The following GPC6 variants were observed in gnomAD, a reference collection of about 807,000 sequenced individuals.
GPC6 encodes glypican-6.
A neutral mutation model predicts 55.2 loss-of-function variants in GPC6; 14 were observed. The observed-to-expected ratio is 0.25, with a 90% CI of 0.17 to 0.40. GPC6 has a LOEUF of 0.40. Ranked by LOEUF, GPC6 falls within the 10% of genes least tolerant of loss-of-function variation. The probability of loss-of-function intolerance (pLI) is 1.00; values close to 1 mark genes in which losing one functional copy is unlikely to be tolerated. For synonymous variants in GPC6, 278 were observed against 259.6 expected (o/e 1.07, Z -0.68); for missense variants, 641 against 708.5 (o/e 0.90, Z 1.08).
At chr13:93,330,753 C>T (rs954879718) in intron 1 of GPC6, among the ~76,000 whole-genome samples, 1 of 152,158 alleles carries the variant, frequency 6.6e-6, no homozygotes, top group Admixed American at 6.6e-5. Flanking sequence ...ATGAAAAATT[C>T]TCTTGCATCT....
chr13:93,275,564 C>T (rs1877704921), intron 1 of GPC6, among the ~76,000 whole-genome samples: 1 of 152,130 alleles, frequency 6.6e-6, no homozygotes, highest in South Asian at 2.1e-4. Context: ...CTTGTAGTTT[C>T]AGAGATCAAG....
intron 1 of GPC6, among the ~76,000 whole-genome samples, chr13:93,423,054 ACC>A (rs1876984556): frequency 7.8e-6 from 1 of 128,664 alleles, no homozygotes; most frequent in African/African-American, 3.5e-5. Flanking sequence ...GTCACACCCC[ACC>A]AGCTCCCCGT....
intron 6 of GPC6, among the ~76,000 whole-genome samples, chr13:94,320,264 T>C (rs1465135795): frequency 6.6e-6 from 1 of 152,200 alleles, no homozygotes; most frequent in Non-Finnish European, 1.5e-5. Flanking sequence ...TTCAATAGTA[T>C]CCGCCTCCTC....
chr13:93,652,673 A>C (rs1225285392), intron 2 of GPC6, among the ~76,000 whole-genome samples: 1 of 152,132 alleles, frequency 6.6e-6, no homozygotes, highest in Non-Finnish European at 1.5e-5. Context: ...GTGATTTGTC[A>C]TTCCCTCCAC....
intron 2 of GPC6, among the ~76,000 whole-genome samples, chr13:93,777,828 T>A (rs1340468325): frequency 1.3e-5 from 2 of 152,172 alleles, no homozygotes; most frequent in Non-Finnish European, 2.9e-5. Context: ...TATTTGTATA[T>A]GTATTTCTGA....
intron 2 of GPC6, among the ~76,000 whole-genome samples, chr13:93,569,647 C>T (rs564162407): frequency 6.6e-6 from 1 of 152,028 alleles, no homozygotes; most frequent in South Asian, 2.1e-4. Flanking sequence ...AAGTTATCTT[C>T]ATAACTTAGT....
chr13:93,904,456 G>A (rs1876527170), intron 3 of GPC6, among the ~76,000 whole-genome samples: 1 of 152,132 alleles, frequency 6.6e-6, no homozygotes, highest in Non-Finnish European at 1.5e-5. Flanking sequence ...TGCAATGATA[G>A]CCTGTTATGA....
At chr13:93,231,306 C>T (rs1234297703) in intron 1 of GPC6, among the ~76,000 whole-genome samples, 47 of 139,666 alleles carry the variant, frequency 3.4e-4, no homozygotes, top group Admixed American at 6.5e-4. Context: ...TCTATTCTTT[C>T]CTCATTTCAT....
intron 2 of GPC6, among the ~76,000 whole-genome samples, chr13:93,714,475 A>G (rs1883183252): frequency 6.6e-6 from 1 of 151,880 alleles, no homozygotes; most frequent in Non-Finnish European, 1.5e-5. Flanking sequence ...ATGCTTATAC[A>G]CTGTTGCTGG....
At chr13:93,321,042 TCA>T (rs1879420224) in intron 1 of GPC6, among the ~76,000 whole-genome samples, 1 of 152,160 alleles carries the variant, frequency 6.6e-6, no homozygotes, top group African/African-American at 2.4e-5. Context: ...AATTTCCAGG[TCA>T]GCATCTAGTC....
intron 7 of GPC6, among the ~76,000 whole-genome samples, chr13:94,393,331 T>C (rs768461801): frequency 4.6e-5 from 7 of 152,114 alleles, no homozygotes; most frequent in Non-Finnish European, 8.8e-5. Context: ...GTGAGATAAA[T>C]GAGGACTATA....
chr13:93,464,527 A>G (rs1344966247), intron 1 of GPC6, among the ~76,000 whole-genome samples: 3 of 152,202 alleles, frequency 2.0e-5, no homozygotes, highest in Non-Finnish European at 2.9e-5. Flanking sequence ...ACCCATAAGA[A>G]GCAACTCCTC....
intron 4 of GPC6, among the ~76,000 whole-genome samples, chr13:94,156,430 A>G (rs1887942898): frequency 6.6e-6 from 1 of 152,168 alleles, no homozygotes; most frequent in Non-Finnish European, 1.5e-5. Flanking sequence ...ATAGATATAG[A>G]CATAGATATA....
At chr13:94,263,341 C>T (rs117164527) in intron 4 of GPC6, among the ~76,000 whole-genome samples, 12 of 152,316 alleles carry the variant, frequency 7.9e-5, no homozygotes, top group African/African-American at 1.2e-4. Context: ...ACACCTGCTA[C>T]GCAATTCACC....
intron 3 of GPC6, among the ~76,000 whole-genome samples, chr13:93,885,928 T>G (rs773860525): frequency 6.6e-6 from 1 of 152,082 alleles, no homozygotes; most frequent in Non-Finnish European, 1.5e-5. Flanking sequence ...TGCAGGTGGT[T>G]GGTATATTCA....
chr13:93,348,770 T>C (rs1488625184), intron 1 of GPC6, among the ~76,000 whole-genome samples: 1 of 152,228 alleles, frequency 6.6e-6, no homozygotes, highest in Non-Finnish European at 1.5e-5. Context: ...ACTTTTTTTC[T>C]TCTACTAGCA....
intron 1 of GPC6, among the ~76,000 whole-genome samples, chr13:93,232,964 A>G (rs1876111415): frequency 6.6e-6 from 1 of 152,178 alleles, no homozygotes; most frequent in Non-Finnish European, 1.5e-5. Context: ...CACATCTTTC[A>G]AATTACTTCT....
chr13:93,256,640 A>G (rs1876962338), intron 1 of GPC6, among the ~76,000 whole-genome samples: 1 of 152,070 alleles, frequency 6.6e-6, no homozygotes, highest in South Asian at 2.1e-4. Context: ...TTCCTAGAAA[A>G]CAACCTCTAT....
rs74108617 is a variant in GPC6, at chr13:93,733,980, A to G, written c.320-96174A>G. Among the ~76,000 whole-genome samples the G allele has an allele frequency of 8.3e-3, 1,269 of 152,292 alleles. 16 individuals carry two copies. Among genetic ancestry groups the G allele is most frequent in the African/African-American group, 0.029 (1,196 of 41,578 alleles). On this transcript the variant is annotated intron_variant, in intron 2 of 8. Coordinates refer to ENST00000377047, the MANE Select transcript of GPC6 (RefSeq NM_005708.5). ...CATGGTCTTCAATATTAAGCTATCC[A>G]CACCCACATACTTTAATGACCCCCT...
Sources: gnomAD v4.1 joint callset for allele counts (sites outside exome capture counted in the v4.1 genomes callset) on GRCh38, gnomAD v4.1.1 for gene constraint, MANE v1.5 for transcripts, NCBI Gene and HGNC (gene_info 2026-07-23, HGNC 2026-07-21) for gene names.